LOXL2: variants seen among roughly 807,000 people sequenced by gnomAD.
LOXL2 encodes lysyl oxidase like 2, also known as lysyl oxidase homolog 2.
Under a neutral mutation model 93.0 loss-of-function variants are expected in LOXL2, and 70 were observed. That is an observed-to-expected ratio of 0.75 (90% confidence interval 0.62 to 0.92). LOXL2 has a LOEUF of 0.92. LOXL2 is among the 40% of genes least tolerant of loss of function. The pLI, the probability that LOXL2 is intolerant of heterozygous loss-of-function variation, is 0.00. For synonymous variants in LOXL2, 438 were observed against 413.2 expected (o/e 1.06, Z -0.73); for missense variants, 973 against 1,054.9 (o/e 0.92, Z 1.08).
chr8:23,339,562 A>G (rs1803847443), intron 4 of LOXL2, among the ~76,000 whole-genome samples: 1 of 152,202 alleles, frequency 6.6e-6, no homozygotes, highest in South Asian at 2.1e-4. Context: ...CATCTGAACA[A>G]GGCGCGTGCT....
At chr8:23,328,708 G>GTTGTGTGTGTGTGTGTGTGTGTGTGT in intron 5 of LOXL2, 143 bp from the exon 6 acceptor site, 1 of 422,718 alleles carries the variant, frequency 2.4e-6, no homozygotes, top group Non-Finnish European at 4.2e-6. Flanking sequence ...TTGATGTATG[G>GTTGTGTGTGTGTGTGTGTGTGTGTGT]ATGTGTGTGT....
chr8:23,332,780 AC>A lies in LOXL2; in HGVS notation c.966+620del, dbSNP rs1277750574. The stretch of plus-strand genomic sequence containing the variant: ...CACCCCCACTCATACACACTCATAC[AC>A]CCCCCCACACTCATACCCACACTCA... On this transcript the variant is annotated intron_variant, in intron 5 of 13. Transcript: ENST00000389131. Among the ~76,000 whole-genome samples the A allele has an allele frequency of 7.4e-4, 26 of 34,966 alleles. 1 individual carries two copies. Among genetic ancestry groups the A allele is most frequent in the East Asian group, 2.1e-3 (2 of 964 alleles). 22.9% of individuals were successfully genotyped at this position (34,966 alleles called of 152,430 possible). A position where few individuals can be genotyped will look rare whatever the true frequency, so the allele number is the denominator to read the frequency against.
In LOXL2 at chr8:23,380,800, G is replaced by A. The variant is rs369207429; in HGVS notation, c.-83-12366C>T. 3.9e-5 allele frequency among the ~76,000 whole-genome samples: 6 copies of A among 152,030 alleles called. No homozygotes were observed. The East Asian group carries it at 1.2e-3, about 29-fold the overall frequency. On this transcript the variant is annotated intron_variant, in intron 1 of 13. Coordinates refer to ENST00000389131, the MANE Select transcript of LOXL2 (RefSeq NM_002318.3). ...AGGCTAAGGTGGCCAATCGCTTGAG[G>A]TCAGGAGTTAAAGACCAGCCTGGAC...
At chr8:23,363,491 C>T (rs1236865161) in intron 2 of LOXL2, 1 of 152,198 alleles carries the variant, frequency 6.6e-6, no homozygotes, top group Non-Finnish European at 1.5e-5. Flanking sequence ...CAATGTTTGT[C>T]TTGCTAAGTT....
intron 8 of LOXL2, among the ~76,000 whole-genome samples, chr8:23,317,648 G>A (rs911758405): frequency 1.3e-5 from 2 of 152,202 alleles, no homozygotes; most frequent in Non-Finnish European, 2.9e-5. Context: ...AGTTTAAAGA[G>A]CAATTAATAG....
intron 3 of LOXL2, among the ~76,000 whole-genome samples, chr8:23,346,083 T>TAATAA (rs10624286): frequency 0.03 from 2,193 of 73,978 alleles, 78 homozygotes; most frequent in East Asian, 0.17. Flanking sequence ...TAAAATAAAA[T>TAATAA]AATAAAATAA....
intron 3 of LOXL2, among the ~76,000 whole-genome samples, chr8:23,356,357 C>G (rs1022599010): frequency 2.0e-5 from 3 of 152,210 alleles, no homozygotes; most frequent in Non-Finnish European, 2.9e-5. Context: ...ATTTCTTTAG[C>G]TGGGAGGAAT....
At chr8:23,369,656 G>C (rs1244889042) in intron 1 of LOXL2, among the ~76,000 whole-genome samples, 2 of 152,136 alleles carry the variant, frequency 1.3e-5, no homozygotes, top group South Asian at 2.1e-4. Context: ...TGCTGGGGTG[G>C]AGATGTTAGA....
chr8:23,339,084 G>A (rs1040440368), intron 4 of LOXL2, among the ~76,000 whole-genome samples: 3 of 152,024 alleles, frequency 2.0e-5, no homozygotes, highest in Non-Finnish European at 4.4e-5. Flanking sequence ...GCTCAGCCCC[G>A]ACAGCCCACC....
chr8:23,359,954 C>T, intron 3 of LOXL2, 136 bp downstream of exon 3: 1 of 766,464 alleles, frequency 1.3e-6, no homozygotes, highest in Non-Finnish European at 2.1e-6. Context: ...CTAAACTGCC[C>T]TTGTATCTAA....
At chr8:23,356,604 G>C (rs1335887801) in intron 3 of LOXL2, among the ~76,000 whole-genome samples, 3 of 152,132 alleles carry the variant, frequency 2.0e-5, no homozygotes, top group Non-Finnish European at 2.9e-5. Flanking sequence ...CCTACTTTCA[G>C]CGGCTACCAA....
intron 6 of LOXL2, among the ~76,000 whole-genome samples, 187 bp downstream of exon 6, chr8:23,328,195 G>GT (rs1803615104): frequency 6.6e-6 from 1 of 152,084 alleles, no homozygotes; most frequent in Admixed American, 6.5e-5. Flanking sequence ...ATAAAATAGG[G>GT]TCTCAGTGTT....
chr8:23,357,280 G>C (rs1585368446), intron 3 of LOXL2, among the ~76,000 whole-genome samples: 1 of 152,230 alleles, frequency 6.6e-6, no homozygotes, highest in East Asian at 1.9e-4. Flanking sequence ...ATCTTGGCCA[G>C]GCTGGTCTTG....
At chr8:23,344,940 C>T (rs560302126) in intron 3 of LOXL2, among the ~76,000 whole-genome samples, 9 of 152,278 alleles carry the variant, frequency 5.9e-5, no homozygotes, top group African/African-American at 2.2e-4. Context: ...CCTCCTTGGG[C>T]CTTGCTGGGC....
chr8:23,338,446 C>T (rs1803831506), intron 4 of LOXL2, among the ~76,000 whole-genome samples: 3 of 151,854 alleles, frequency 2.0e-5, no homozygotes, highest in African/African-American at 4.8e-5. Flanking sequence ...GGGGGGCCCT[C>T]GGGGGTTAAG....
chr8:23,328,404 G>C lies in LOXL2; in HGVS notation c.1128C>G (p.Val376=). 6.2e-7 allele frequency: 1 copy of C among 1,613,966 alleles called. No individual in the cohort carries two copies. The highest frequency in any genetic ancestry group is 1.3e-5 in the African/African-American group (1 of 75,022). Residue 376 remains valine, a synonymous_variant, in exon 6 of 14, where the codon GTC becomes GTG. Coordinates refer to ENST00000389131, the MANE Select transcript of LOXL2 (RefSeq NM_002318.3). ...TACCTTGCCCCAGTCGGGAGCCAGTGACTGCCTCTTTGGCACTCCCAAAGC... is the reference window on the plus strand; with the variant it reads ...TACCTTGCCCCAGTCGGGAGCCAGTCACTGCCTCTTTGGCACTCCCAAAGC... ...ELGFGSAKEA[V]TGSRLGQGIG...
intron 3 of LOXL2, among the ~76,000 whole-genome samples, chr8:23,345,235 G>A (rs1185758444): frequency 6.6e-6 from 1 of 152,178 alleles, no homozygotes; most frequent in Non-Finnish European, 1.5e-5. Context: ...CCCCAAACCC[G>A]TGCTCCAGGC....
At chr8:23,341,591 C>T in intron 3 of LOXL2, 1 of 305,960 alleles carries the variant, frequency 3.3e-6, no homozygotes, top group South Asian at 3.3e-5. Flanking sequence ...GCGGATTTTG[C>T]ATTTCACTCC....
At chr8:23,384,908 GAAA>G (rs1475049895) in intron 1 of LOXL2, among the ~76,000 whole-genome samples, 6 of 152,142 alleles carry the variant, frequency 3.9e-5, no homozygotes, top group Non-Finnish European at 5.9e-5. Flanking sequence ...TCCGTCTCAA[GAAA>G]ACAAACAAAC....
Sources: allele counts gnomAD v4.1 joint callset (sites outside exome capture counted in the v4.1 genomes callset), GRCh38; gene constraint gnomAD v4.1.1; transcripts MANE v1.5; gene names NCBI Gene and HGNC (gene_info 2026-07-23, HGNC 2026-07-21).